NDC1: variants seen among roughly 807,000 people sequenced by gnomAD.
NDC1 encodes nucleoporin NDC1.
A neutral mutation model predicts 89.8 loss-of-function variants in NDC1; 24 were observed. That is an observed-to-expected ratio of 0.27 (90% CI 0.19 to 0.38). The LOEUF (loss-of-function observed/expected upper bound fraction) is 0.38. NDC1 is among the 10% of genes least tolerant of loss of function. The pLI is 1.00. For missense variants in NDC1, 728 were observed against 797.6 expected, an observed-to-expected ratio of 0.91 and a Z score of 1.05; for synonymous variants, 296 against 284.8, an observed-to-expected ratio of 1.04 and a Z score of -0.39.
chr1:53,796,150 C>T (rs965527210), intron 13 of NDC1, among the ~76,000 whole-genome samples: 3 of 152,230 alleles, frequency 2.0e-5, no homozygotes, highest in Non-Finnish European at 4.4e-5. Context: ...CTTAGGAACT[C>T]TCTGTCTTCC....
intron 16 of NDC1, among the ~76,000 whole-genome samples, chr1:53,776,818 A>G (rs1647167153): frequency 6.6e-6 from 1 of 152,214 alleles, no homozygotes; most frequent in South Asian, 2.1e-4. Context: ...AAAATCATGC[A>G]ATACTACATG....
intron 14 of NDC1, among the ~76,000 whole-genome samples, chr1:53,791,223 T>C (rs1647488961): frequency 1.3e-5 from 2 of 152,046 alleles, no homozygotes; most frequent in South Asian, 4.1e-4. Context: ...ATCGAGACCA[T>C]CCTGGCTAAC....
intron 2 of NDC1, among the ~76,000 whole-genome samples, chr1:53,834,517 A>C (rs1157621128): frequency 6.6e-6 from 1 of 152,220 alleles, no homozygotes; most frequent in Non-Finnish European, 1.5e-5. Context: ...TTTCTTGTGA[A>C]AAACGAAATT....
intron 1 of NDC1, among the ~76,000 whole-genome samples, chr1:53,836,208 T>C (rs764113196): frequency 1.3e-4 from 19 of 151,620 alleles, no homozygotes; most frequent in Non-Finnish European, 2.1e-4. Context: ...GATGGAGGAG[T>C]TGGGACACGA....
intron 10 of NDC1, among the ~76,000 whole-genome samples, chr1:53,803,719 C>T (rs1385636938): frequency 6.6e-6 from 1 of 152,048 alleles, no homozygotes. Flanking sequence ...CTACAGGCGC[C>T]CGCCACCACG....
chr1:53,784,199 C>G (rs927705381), intron 16 of NDC1, among the ~76,000 whole-genome samples: 4 of 150,058 alleles, frequency 2.7e-5, no homozygotes, highest in African/African-American at 9.8e-5. Context: ...GAGTACTGTT[C>G]CAAGAATCCT....
intron 6 of NDC1, among the ~76,000 whole-genome samples, chr1:53,811,418 A>G (rs1161989298): frequency 1.3e-5 from 2 of 152,276 alleles, no homozygotes; most frequent in East Asian, 3.9e-4. Context: ...AAACAGACTC[A>G]GGGCTGTTGC....
At position 53,807,656 on chromosome 1, in the gene NDC1, C is replaced by A; in HGVS notation, c.891G>T (p.Glu297Asp). 1 of 1,598,762 alleles carries A rather than the reference C, an allele frequency of 6.3e-7. No individual in the cohort carries two copies. ...AGAAAAAATATTTTAAAAAACATAC[C>A]TCTGTGGCATAGATTTTGAAGAGTA... ...SWILFKIYAT[E>D]AHVFPVQPPF... is the part of the protein sequence containing the mutation. The change falls in exon 8 of 18, where the codon GAG becomes GAT. Residue 297 changes from glutamate (E) to aspartate (D), a missense_variant and splice_region_variant. Coordinates refer to ENST00000371429, the MANE Select transcript of NDC1 (RefSeq NM_018087.5).
At chr1:53,773,036 T>G (rs894185143) in intron 16 of NDC1, among the ~76,000 whole-genome samples, 1 of 150,580 alleles carries the variant, frequency 6.6e-6, no homozygotes, top group African/African-American at 2.4e-5. Flanking sequence ...AGTCAAACAC[T>G]GATGTCCTAC....
intron 16 of NDC1, among the ~76,000 whole-genome samples, chr1:53,779,711 G>A (rs1017849580): frequency 3.3e-5 from 5 of 152,208 alleles, no homozygotes; most frequent in African/African-American, 4.8e-5. Context: ...ACAGAAAATA[G>A]TTTCTGAAAG....
chr1:53,809,386 C>T (rs1648223900), intron 7 of NDC1, among the ~76,000 whole-genome samples: 1 of 152,116 alleles, frequency 6.6e-6, no homozygotes, highest in Non-Finnish European at 1.5e-5. Flanking sequence ...GGGTCTCGCT[C>T]TATTGCCTAG....
At chr1:53,818,184 C>G (rs1308778322) in intron 6 of NDC1, among the ~76,000 whole-genome samples, 3 of 152,064 alleles carry the variant, frequency 2.0e-5, no homozygotes, top group Non-Finnish European at 4.4e-5. Flanking sequence ...TGCCTGTAAT[C>G]CTAGCACTTT....
chr1:53,775,180 A>C (rs868758377), intron 16 of NDC1, among the ~76,000 whole-genome samples: 3 of 152,194 alleles, frequency 2.0e-5, no homozygotes, highest in Non-Finnish European at 4.4e-5. Flanking sequence ...TACCTTAAAT[A>C]ACTTTTGACA....
At chr1:53,822,602 G>A (rs909047917) in intron 5 of NDC1, among the ~76,000 whole-genome samples, 1 of 151,828 alleles carries the variant, frequency 6.6e-6, no homozygotes, top group Non-Finnish European at 1.5e-5. Context: ...GGTAACAATG[G>A]TTACCAGTGG....
intron 11 of NDC1, among the ~76,000 whole-genome samples, chr1:53,800,089 C>CA (rs1647853092): frequency 6.6e-6 from 1 of 152,094 alleles, no homozygotes; most frequent in African/African-American, 2.4e-5. Context: ...ATTTAATAGC[C>CA]ATCATTTTGG....
At chr1:53,816,338 T>C (rs1187856447) in intron 6 of NDC1, among the ~76,000 whole-genome samples, 2 of 152,004 alleles carry the variant, frequency 1.3e-5, no homozygotes, top group South Asian at 2.1e-4. Flanking sequence ...AACAAAAACA[T>C]AAAGTGGGGA....
chr1:53,782,845 A>C (rs4927036), intron 16 of NDC1, among the ~76,000 whole-genome samples: 61 of 152,152 alleles, frequency 4.0e-4, no homozygotes, highest in Non-Finnish European at 6.8e-4. Context: ...AATATCATTC[A>C]TCTTATCCCT....
intron 8 of NDC1, among the ~76,000 whole-genome samples, chr1:53,807,131 C>T (rs1648135374): frequency 6.6e-6 from 1 of 151,572 alleles, no homozygotes; most frequent in Non-Finnish European, 1.5e-5. Flanking sequence ...CCTGTAGTCC[C>T]AGCTACTCGG....
At chr1:53,811,267 C>T (rs754888246) in intron 6 of NDC1, among the ~76,000 whole-genome samples, 1 of 152,196 alleles carries the variant, frequency 6.6e-6, no homozygotes, top group Non-Finnish European at 1.5e-5. Context: ...GGGCAAGAAG[C>T]CTCCTGGCCA....
Sources: gnomAD v4.1 joint callset for allele counts (sites outside exome capture counted in the v4.1 genomes callset) on GRCh38, gnomAD v4.1.1 for gene constraint, MANE v1.5 for transcripts, NCBI Gene and HGNC (gene_info 2026-07-23, HGNC 2026-07-21) for gene names.